Variants in CSNK1G3 observed in about 807,000 individuals in gnomAD.
The protein encoded by CSNK1G3 is casein kinase I isoform gamma-3.
CSNK1G3 carries 23 observed loss-of-function variants against 64.3 expected under a neutral mutation model. The ratio of observed to expected loss-of-function variants is 0.36; its 90% CI spans 0.26 to 0.51. The LOEUF (loss-of-function observed/expected upper bound fraction) is 0.51. Among genes scored for constraint, CSNK1G3 ranks in the 20% least tolerant of loss-of-function variants. The probability of loss-of-function intolerance (pLI) is 0.96; values close to 1 mark genes in which losing one functional copy is unlikely to be tolerated. For synonymous variants in CSNK1G3, 158 were observed against 162.2 expected (o/e 0.97, Z 0.20); for missense variants, 357 against 510.5 (o/e 0.70, Z 2.90).
At chr5:123,578,825 A>G (rs1391683539) in intron 6 of CSNK1G3, among the ~76,000 whole-genome samples, 1 of 151,926 alleles carries the variant, frequency 6.6e-6, no homozygotes, top group Non-Finnish European at 1.5e-5. Flanking sequence ...TTTCTATGAT[A>G]TCGTATTCTT....
chr5:123,516,007 C>G (rs1561435668), intron 1 of CSNK1G3, among the ~76,000 whole-genome samples: 2 of 151,796 alleles, frequency 1.3e-5, no homozygotes, highest in Non-Finnish European at 2.9e-5. Context: ...GTTTTTTTTT[C>G]TGACTTCAAA....
intron 10 of CSNK1G3, among the ~76,000 whole-genome samples, chr5:123,594,587 T>C (rs965058002): frequency 1.3e-5 from 2 of 152,124 alleles, no homozygotes; most frequent in South Asian, 4.1e-4. Flanking sequence ...TCAGGTACAG[T>C]TATTTAAGGG....
intron 2 of CSNK1G3, chr5:123,546,100 C>A (rs1215283844): frequency 1.3e-5 from 5 of 376,040 alleles, no homozygotes; most frequent in African/African-American, 8.1e-5. Context: ...TTAAAATAGC[C>A]CAGTAGGCTG....
Position 123,604,889 on chromosome 5 carries a change from G to T in CSNK1G3, c.1193+59G>T. ...TTGTTCTTAAATTATGCATGCTTGA[G>T]ATTTATAGTTACATACAATTATTTC... On this transcript the variant is annotated intron_variant, in intron 11 of 12. Transcript: ENST00000345990. 3 of 1,267,870 alleles carry T rather than the reference G, an allele frequency of 2.4e-6. 1 individual carries two copies. The highest frequency in any genetic ancestry group is 2.6e-5 in the South Asian group (2 of 76,484). The allele number at this position is 1,267,870 out of a possible 1,614,324, so 78.5% of individuals were successfully genotyped here.
chr5:123,604,174 G>T (rs1480799756), intron 10 of CSNK1G3, among the ~76,000 whole-genome samples: 1 of 152,012 alleles, frequency 6.6e-6, no homozygotes, highest in East Asian at 1.9e-4. Flanking sequence ...GCCATTTATG[G>T]ATTAGATGTG....
intron 1 of CSNK1G3, among the ~76,000 whole-genome samples, chr5:123,532,725 T>G (rs993553811): frequency 1.3e-5 from 2 of 151,950 alleles, no homozygotes; most frequent in East Asian, 3.8e-4. Flanking sequence ...TTTTGAAATA[T>G]TCTTCTCAAA....
chr5:123,607,515 T>G (rs1159994866), intron 12 of CSNK1G3, among the ~76,000 whole-genome samples: 2 of 152,170 alleles, frequency 1.3e-5, no homozygotes, highest in Non-Finnish European at 2.9e-5. Flanking sequence ...CCACATGTTA[T>G]GTGATTCCAT....
chr5:123,518,662 TATC>T (rs1298774963), intron 1 of CSNK1G3, among the ~76,000 whole-genome samples: 1 of 152,202 alleles, frequency 6.6e-6, no homozygotes, highest in Non-Finnish European at 1.5e-5. Flanking sequence ...CCTAACTAGT[TATC>T]ATAAGGGAAG....
At chr5:123,570,346 CTTTTTTTTTT>C (rs370362447) in intron 4 of CSNK1G3, among the ~76,000 whole-genome samples, 2 of 130,550 alleles carry the variant, frequency 1.5e-5, no homozygotes, top group African/African-American at 5.7e-5. Context: ...ACAGTCCTTT[CTTTTTTTTTT>C]TTTTTTTTTC....
At chr5:123,521,770 C>T (rs1271133833) in intron 1 of CSNK1G3, among the ~76,000 whole-genome samples, 1 of 151,852 alleles carries the variant, frequency 6.6e-6, no homozygotes. Flanking sequence ...TAACATTTAA[C>T]TAAATAGATG....
At chr5:123,529,992 C>T (rs1242855909) in intron 1 of CSNK1G3, among the ~76,000 whole-genome samples, 1 of 151,744 alleles carries the variant, frequency 6.6e-6, no homozygotes, top group African/African-American at 2.4e-5. Context: ...CAAAAATTAG[C>T]CTCGTGTAGT....
At chr5:123,555,613 G>A (rs1784480438) in intron 3 of CSNK1G3, among the ~76,000 whole-genome samples, 1 of 152,082 alleles carries the variant, frequency 6.6e-6, no homozygotes, top group African/African-American at 2.4e-5. Context: ...TCAACAGTTT[G>A]TTTCAGGATA....
chr5:123,527,509 T>C (rs1779287638), intron 1 of CSNK1G3, among the ~76,000 whole-genome samples: 1 of 152,218 alleles, frequency 6.6e-6, no homozygotes, highest in Admixed American at 6.5e-5. Flanking sequence ...TGTTAACTTA[T>C]AATTTACAAT....
At chr5:123,526,303 C>A (rs1039572997) in intron 1 of CSNK1G3, among the ~76,000 whole-genome samples, 3 of 152,114 alleles carry the variant, frequency 2.0e-5, no homozygotes, top group African/African-American at 7.2e-5. Context: ...GATCCTCCTA[C>A]TCTGGCCTCC....
At chr5:123,528,853 A>G (rs1053442833) in intron 1 of CSNK1G3, among the ~76,000 whole-genome samples, 4 of 152,224 alleles carry the variant, frequency 2.6e-5, no homozygotes, top group African/African-American at 9.6e-5. Context: ...ATTTATTTGT[A>G]ACCCTAAACT....
intron 4 of CSNK1G3, among the ~76,000 whole-genome samples, chr5:123,565,904 C>T (rs1054326772): frequency 6.6e-6 from 1 of 152,148 alleles, no homozygotes; most frequent in Non-Finnish European, 1.5e-5. Flanking sequence ...ACCCAGTTAA[C>T]TCCCATCAGG....
chr5:123,583,917 C>G (rs1191727077), intron 6 of CSNK1G3, among the ~76,000 whole-genome samples: 1 of 151,864 alleles, frequency 6.6e-6, no homozygotes, highest in East Asian at 1.9e-4. Flanking sequence ...GTCTTGAACT[C>G]CTGGTCTCAG....
chr5:123,527,670 G>A (rs565221301), intron 1 of CSNK1G3, among the ~76,000 whole-genome samples: 2 of 151,974 alleles, frequency 1.3e-5, no homozygotes, highest in African/African-American at 4.8e-5. Flanking sequence ...AGAATATTTC[G>A]CTGTAGTTGA....
intron 4 of CSNK1G3, among the ~76,000 whole-genome samples, chr5:123,562,673 T>G (rs1333733885): frequency 6.6e-6 from 1 of 152,124 alleles, no homozygotes; most frequent in Non-Finnish European, 1.5e-5. Flanking sequence ...AAAATTAATT[T>G]CATTTGTATT....
Sources: allele counts gnomAD v4.1 joint callset (sites outside exome capture counted in the v4.1 genomes callset), GRCh38; gene constraint gnomAD v4.1.1; transcripts MANE v1.5; gene names NCBI Gene and HGNC (gene_info 2026-07-23, HGNC 2026-07-21).